The following NOP2 variants were observed in gnomAD, a reference collection of about 807,000 sequenced individuals.
The protein encoded by NOP2 is NOP2 nucleolar protein.
NOP2 carries 7 observed loss-of-function variants against 72.7 expected under a neutral mutation model. That is an observed-to-expected ratio of 0.10 (90% CI 0.05 to 0.18). The LOEUF (loss-of-function observed/expected upper bound fraction) is 0.18. NOP2 is among the 10% of genes least tolerant of loss of function. The probability of loss-of-function intolerance (pLI) is 1.00; values close to 1 mark genes in which losing one functional copy is unlikely to be tolerated. For missense variants in NOP2, 954 were observed against 1,014.7 expected (o/e 0.94, Z 0.81); for synonymous variants, 387 against 388.0 (o/e 1.00, Z 0.03).
At position 6,567,805 on chromosome 12, in the gene NOP2, C is replaced by G. The variant is rs756067864; in HGVS notation, c.103+11G>C. On this transcript the variant is annotated intron_variant, in intron 2 of 15. Coordinates refer to ENST00000322166, the MANE Select transcript of NOP2 (RefSeq NM_001258308.2). The stretch of plus-strand genomic sequence containing the variant: ...AAGCTGAGGGATCAGGAGGCCACAA[C>G]TAATCCTTACCTGCAGGCAAGAATC... The G allele has an allele frequency of 1.1e-5, 17 of 1,611,314 alleles. No homozygotes were observed. The highest frequency in any genetic ancestry group is 1.4e-5 in the Non-Finnish European group (17 of 1,177,484).
In NOP2 at chr12:6,567,795, G is replaced by A. The variant is rs559083497; in HGVS notation, c.103+21C>T. 2.4e-5 allele frequency: 38 copies of A among 1,582,750 alleles called. No homozygotes were observed. In the South Asian group the frequency reaches 3.9e-4, roughly 16 times the overall value. Reference sequence around the variant, plus strand: ...AATACTGCAAAAGCTGAGGGATCAGGAGGCCACAACTAATCCTTACCTGCA... The same window carrying A: ...AATACTGCAAAAGCTGAGGGATCAGAAGGCCACAACTAATCCTTACCTGCA... On this transcript the variant is annotated intron_variant, in intron 2 of 15. Coordinates refer to ENST00000322166, the MANE Select transcript of NOP2 (RefSeq NM_001258308.2).
In NOP2 at chr12:6,563,698, T is replaced by C. The variant is rs1447770869; in HGVS notation, c.604A>G (p.Lys202Glu). ...KEVTPESGPP[K>E]VEEADGGLQI... is the part of the protein sequence containing the mutation. ...AGGCCCCCATCTGCCTCTTCCACCT[T>C]TGGGGGGCCTGACTCAGGGGTCACT... Residue 202 changes from lysine to glutamate, a missense_variant, in exon 7 of 16, where the codon AAG becomes GAG. Coordinates refer to ENST00000322166, the MANE Select transcript of NOP2 (RefSeq NM_001258308.2). 1 of 1,613,740 alleles carries C rather than the reference T, an allele frequency of 6.2e-7. No homozygotes were observed. The highest frequency in any genetic ancestry group is 1.7e-5 in the Admixed American group (1 of 59,986).
At position 6,568,217 on chromosome 12, in the gene NOP2, G is replaced by A. The variant is rs1403652815; in HGVS notation, c.-15C>T. 2 of 346,262 alleles carry A rather than the reference G, an allele frequency of 5.8e-6. No homozygotes were observed. The highest frequency in any genetic ancestry group is 6.0e-5 in the East Asian group (1 of 16,592). 21.4% of individuals were successfully genotyped at this position (346,262 alleles called of 1,614,324 possible). On this transcript the variant is annotated 5_prime_UTR_variant, in exon 1 of 16. Coordinates refer to ENST00000322166, the MANE Select transcript of NOP2 (RefSeq NM_001258308.2). ...TTCCTCTAGACCCACCAGAATGCGG[G>A]TTAATGTCCGAGAGTGCCCTTCGGG...
chr12:6,558,725 C>T (rs1026539752), intron 15 of NOP2, among the ~76,000 whole-genome samples: 1 of 151,554 alleles, frequency 6.6e-6, no homozygotes, highest in East Asian at 1.9e-4. Context: ...ATCCTCCTAC[C>T]TCAGCCTCCA....
intron 2 of NOP2, chr12:6,567,539 T>C (rs1947815156): frequency 3.1e-6 from 1 of 324,198 alleles, no homozygotes; most frequent in Non-Finnish European, 5.6e-6. Context: ...ACAAAAACTT[T>C]TACAGTTCTG....
At position 6,557,223 on chromosome 12, in the gene NOP2, G is replaced by C. The variant is rs1475683852; in HGVS notation, c.2209C>G (p.Gln737Glu). 2 of 1,613,910 alleles carry C rather than the reference G, an allele frequency of 1.2e-6. No homozygotes were observed. Among genetic ancestry groups the C allele is most frequent in the Non-Finnish European group, 1.7e-6 (2 of 1,179,890 alleles). Residue 737 changes from glutamine to glutamate, a missense_variant, in exon 16 of 16, where the codon CAG (glutamine) becomes GAG (glutamate). By Grantham distance (29) the Gln-to-Glu change is conservative. Transcript: ENST00000322166. ...TGGTCCTTAGGTTTCAGGGTGGCCT[G>C]AGTCTTGGATGGGGATAACACAGCC... ...TPAVLSPSKTQATLKPKDHHQ... is the reference protein window; with the variant it reads ...TPAVLSPSKTEATLKPKDHHQ...
At chr12:6,561,136 C>G in intron 11 of NOP2, 66 bp from the exon 12 acceptor site, 1 of 1,583,154 alleles carries the variant, frequency 6.3e-7, no homozygotes, top group Non-Finnish European at 8.6e-7. Flanking sequence ...CTCCCACCCT[C>G]CTGTCCAGGA....
rs869220261 is a variant in NOP2, at chr12:6,558,610, CT to C, written c.1790-969del. Among the ~76,000 whole-genome samples the C allele has an allele frequency of 5.4e-3, 725 of 133,848 alleles. 3 individuals carry two copies. Among genetic ancestry groups the C allele is most frequent in the East Asian group, 0.042 (191 of 4,556 alleles). 87.8% of individuals were successfully genotyped at this position (133,848 alleles called of 152,430 possible). ...ATTTGAAGCACTAGGCTTTATTTAT[CT>C]TTTTTTTTTTTTTTTTGAGGTAGAG... On this transcript the variant is annotated intron_variant, in intron 15 of 15. Coordinates refer to ENST00000322166, the MANE Select transcript of NOP2 (RefSeq NM_001258308.2).
chr12:6,567,971 A>G, intron 1 of NOP2, 49 bp from the exon 2 acceptor site: 1 of 1,411,442 alleles, frequency 7.1e-7, no homozygotes, highest in Non-Finnish European at 1.0e-6. Context: ...TGTCGGAGGG[A>G]ACGGCAGAAC....
intron 6 of NOP2, 44 bp downstream of exon 6, chr12:6,563,847 C>T: frequency 1.2e-6 from 2 of 1,613,472 alleles, no homozygotes; most frequent in East Asian, 4.5e-5. Context: ...CTTCCCCACC[C>T]CAGTGGCTTC....
Position 6,568,260 on chromosome 12 carries a change from T to C in NOP2, c.-58A>G, listed in dbSNP as rs1947843031. On this transcript the variant is annotated 5_prime_UTR_variant, in exon 1 of 16. Transcript: ENST00000322166. ...CCTTCGGGCGGCCCTCCACGTGCAATCCGGACCTAGCTTTCGGCCGGCACT... is the reference window on the plus strand; with the variant it reads ...CCTTCGGGCGGCCCTCCACGTGCAACCCGGACCTAGCTTTCGGCCGGCACT... 4.4e-6 allele frequency: 1 copy of C among 226,584 alleles called. No homozygotes were observed. Among genetic ancestry groups the C allele is most frequent in the Admixed American group, 5.9e-5 (1 of 17,032 alleles). 14.0% of individuals were successfully genotyped at this position (226,584 alleles called of 1,614,324 possible).
chr12:6,567,551 A>G, intron 2 of NOP2: 1 of 361,794 alleles, frequency 2.8e-6, no homozygotes, highest in Non-Finnish European at 5.0e-6. Context: ...ACAGTTCTGC[A>G]TGGGCTCCCC....
chr12:6,557,093 G>C lies in NOP2; in HGVS notation c.2339C>G (p.Pro780Arg), dbSNP rs749816882. ...FQKQNDTPKG[P>R]QPPTVSPIRS... ...GATGGGAGACACAGTGGGAGGCTGA[G>C]GCCCCTTGGGGGTATCATTCTGTTT... is the stretch of plus-strand genomic sequence containing the variant. Residue 780 changes from proline to arginine, a missense_variant, in exon 16 of 16, where the codon CCT becomes CGT. Transcript: ENST00000322166. 6 of 1,613,992 alleles carry C rather than the reference G, an allele frequency of 3.7e-6. No individual in the cohort carries two copies. In the South Asian group the frequency reaches 4.4e-5, roughly 12 times the overall value.
In NOP2 at chr12:6,566,634, G is replaced by A. The variant is rs376900177; in HGVS notation, c.150-17C>T. 5 of 1,612,138 alleles carry A rather than the reference G, an allele frequency of 3.1e-6. No homozygotes were observed. In the African/African-American group the frequency reaches 6.7e-5, roughly 22 times the overall value. On this transcript the variant is annotated splice_polypyrimidine_tract_variant and intron_variant, in intron 3 of 15. Coordinates refer to ENST00000322166, the MANE Select transcript of NOP2 (RefSeq NM_001258308.2). ...TTGGCTGCCCTGAAAAGACACAAGA[G>A]ATTCAAGGAGTGAAGAAATGGGAAG...
Position 6,560,710 on chromosome 12 carries a change from C to T in NOP2, c.1425G>A (p.Val475=). 6.2e-7 allele frequency: 1 copy of T among 1,613,550 alleles called. No individual in the cohort carries two copies. The highest frequency in any genetic ancestry group is 1.3e-5 in the African/African-American group (1 of 74,992). Residue 475 remains valine (V), a synonymous_variant, in exon 13 of 16, where the codon GTG becomes GTA. Transcript: ENST00000322166. The surrounding 1 kb of genome is among the most constrained non-coding windows in gnomAD (Gnocchi z 5.0). ...GTGVISKDPA[V]KTNKDEKDIL... ...CCTGACTCCTCACCTTGTTAGTCTT[C>T]ACGGCTGGATCCTTGGAGATGACCC...
chr12:6,560,524 G>T lies in NOP2; in HGVS notation c.1483C>A (p.Leu495Ile). 1 of 1,604,836 alleles carries T rather than the reference G, an allele frequency of 6.2e-7. No homozygotes were observed. The highest frequency in any genetic ancestry group is 1.1e-5 in the South Asian group (1 of 90,572). ...TTGACAGAGTCAATAGCACTCAGGA[G>T]CAACTCCTTCTGGAGGTGAGCACAG... ...LRCAHLQKEL[L>I]LSAIDSVNAT... Residue 495 changes from leucine to isoleucine, a missense_variant, in exon 14 of 16, where the codon CTC (leucine) becomes ATC (isoleucine). By Grantham distance (5) the Leu-to-Ile change is conservative (BLOSUM62 2). Transcript: ENST00000322166. This position sits in a 1 kb window ranked among gnomAD's most constrained non-coding sequence, Gnocchi z 5.0.
intron 5 of NOP2, among the ~76,000 whole-genome samples, chr12:6,565,345 CTTTT>C (rs765750969): frequency 6.9e-6 from 1 of 145,224 alleles, no homozygotes. Context: ...TTTAACTTAA[CTTTT>C]TTTTTTTTTG....
At position 6,563,463 on chromosome 12, in the gene NOP2, A is replaced by G. The variant is rs1368620452; in HGVS notation, c.740T>C (p.Val247Ala). 1.9e-6 allele frequency: 3 copies of G among 1,611,976 alleles called. No individual in the cohort carries two copies. Among genetic ancestry groups the G allele is most frequent in the Non-Finnish European group, 2.5e-6 (3 of 1,179,128 alleles). Residue 247 changes from valine to alanine, a missense_variant, in exon 8 of 16, where the codon GTG (valine) becomes GCG (alanine). Val to Ala is a moderately conservative substitution (Grantham distance 64, BLOSUM62 0). Transcript: ENST00000322166. ...QRVHKRIQDI[V>A]GILRDFGAQR... ...AGCCCCAAAATCACGCAGAATTCCC[A>G]CAATATCCTGGATCCGCTTGTGAAC...
chr12:6,563,415 C>A lies in NOP2; in HGVS notation c.788G>T (p.Arg263Leu), dbSNP rs745889974. The A allele has an allele frequency of 3.1e-6, 5 of 1,607,806 alleles. No individual in the cohort carries two copies. The highest frequency in any genetic ancestry group is 4.2e-6 in the Non-Finnish European group (5 of 1,177,170). Reference protein sequence around the residue: ...FGAQREEGRSRSEYLNRLKKD... With the variant: ...FGAQREEGRSLSEYLNRLKKD... ...CTTGAGCCGGTTCAGGTATTCAGAA[C>A]GAGACCGCCCTTCCTCCCGCTGAGC... The change falls in exon 8 of 16, where the codon CGT becomes CTT. Residue 263 changes from arginine to leucine, a missense_variant. This residue lies in a region of NOP2 where 498 missense variants were observed against 478.3 expected (regional missense o/e 1.04). Coordinates refer to ENST00000322166, the MANE Select transcript of NOP2 (RefSeq NM_001258308.2).
Sources: allele counts gnomAD v4.1 joint callset (sites outside exome capture counted in the v4.1 genomes callset), GRCh38; gene constraint gnomAD v4.1.1; regional missense constraint gnomAD v4.1.1; non-coding constraint Gnocchi (gnomAD v3.1); transcripts MANE v1.5; gene names NCBI Gene and HGNC (gene_info 2026-07-23, HGNC 2026-07-21).